Variants in ERI3 observed in about 807,000 individuals in gnomAD.
ERI3 encodes ERI1 exoribonuclease family member 3.
A neutral mutation model predicts 44.4 loss-of-function variants in ERI3; 18 were observed. That is an observed-to-expected ratio of 0.41 (90% CI 0.28 to 0.60). ERI3 has a LOEUF of 0.60. ERI3 is among the 20% of genes least tolerant of loss of function. ERI3 has a pLI of 0.36. For synonymous variants in ERI3, 183 were observed against 164.8 expected (o/e 1.11, Z -0.84); for missense variants, 294 against 435.5 (o/e 0.68, Z 2.89).
intron 7 of ERI3, among the ~76,000 whole-genome samples, chr1:44,259,689 GACACACACACACACAC>G (rs58901342): frequency 2.1e-5 from 3 of 140,282 alleles, no homozygotes; most frequent in African/African-American, 2.8e-5. Flanking sequence ...AAAACACACA[GACACACACACACACAC>G]ACACACACAC....
intron 3 of ERI3, among the ~76,000 whole-genome samples, chr1:44,332,067 G>A (rs1191289667): frequency 1.3e-5 from 2 of 152,132 alleles, no homozygotes; most frequent in Admixed American, 6.6e-5. Context: ...CTAACACAGA[G>A]CTTTAAGTTA....
intron 8 of ERI3, among the ~76,000 whole-genome samples, chr1:44,224,930 C>A (rs1643999121): frequency 6.6e-6 from 1 of 151,980 alleles, no homozygotes; most frequent in South Asian, 2.1e-4. Context: ...GAAGCCTTGA[C>A]AAATATATAT....
At chr1:44,332,527 T>A (rs1391019676) in intron 3 of ERI3, among the ~76,000 whole-genome samples, 1 of 152,136 alleles carries the variant, frequency 6.6e-6, no homozygotes, top group Non-Finnish European at 1.5e-5. Context: ...GGAGAAGCAG[T>A]CTGAATAGAG....
chr1:44,248,107 T>TC (rs1029177470), intron 7 of ERI3, 69 bp from the exon 8 acceptor site: 3 of 1,014,442 alleles, frequency 3.0e-6, no homozygotes, highest in Admixed American at 2.4e-5. Context: ...CACAAGGTCT[T>TC]CCCCCCACCC....
chr1:44,325,502 T>C (rs916262957), intron 3 of ERI3, among the ~76,000 whole-genome samples: 8 of 152,184 alleles, frequency 5.3e-5, no homozygotes, highest in African/African-American at 1.9e-4. Flanking sequence ...GAAATAAATG[T>C]GTAAGTTGCT....
At position 44,247,919 on chromosome 1, in the gene ERI3, G is replaced by A. The variant is rs564861335; in HGVS notation, c.931+20C>T. 8 of 1,592,012 alleles carry A rather than the reference G, an allele frequency of 5.0e-6. No individual in the cohort carries two copies. The South Asian group carries it at 7.9e-5, about 16-fold the overall frequency. On this transcript the variant is annotated intron_variant, in intron 8 of 8. Coordinates refer to ENST00000372257, the MANE Select transcript of ERI3 (RefSeq NM_024066.3). ...GGGACGATGGATGGAGCTGCCGGGG[G>A]AATATGCGAAGGGACTGACCAATGC...
intron 2 of ERI3, among the ~76,000 whole-genome samples, chr1:44,341,452 C>T (rs953715178): frequency 3.3e-5 from 5 of 152,262 alleles, no homozygotes; most frequent in Non-Finnish European, 5.9e-5. Flanking sequence ...ATAAGGCAGC[C>T]TCAGAGAGTA....
At chr1:44,346,081 AT>A (rs1646777516) in intron 2 of ERI3, among the ~76,000 whole-genome samples, 1 of 152,230 alleles carries the variant, frequency 6.6e-6, no homozygotes, top group African/African-American at 2.4e-5. Flanking sequence ...CATGGTCCCA[AT>A]GCGGAAAGGA....
chr1:44,268,746 T>C (rs1430751751), intron 7 of ERI3, among the ~76,000 whole-genome samples: 1 of 152,168 alleles, frequency 6.6e-6, no homozygotes, highest in African/African-American at 2.4e-5. Context: ...TGGGCATCAC[T>C]TGGTGTCTGC....
At chr1:44,271,502 C>A (rs1369102397) in intron 7 of ERI3, among the ~76,000 whole-genome samples, 2 of 152,230 alleles carry the variant, frequency 1.3e-5, no homozygotes, top group East Asian at 3.8e-4. Flanking sequence ...CAGTTAAGAG[C>A]ATGGACTCTG....
At chr1:44,352,194 G>A (rs1250477964) in intron 2 of ERI3, among the ~76,000 whole-genome samples, 2 of 152,146 alleles carry the variant, frequency 1.3e-5, no homozygotes, top group African/African-American at 4.8e-5. Flanking sequence ...CCTGATCCTT[G>A]TAAAACAGAC....
At chr1:44,304,431 A>G (rs1382342717) in intron 6 of ERI3, among the ~76,000 whole-genome samples, 1 of 152,198 alleles carries the variant, frequency 6.6e-6, no homozygotes, top group African/African-American at 2.4e-5. Flanking sequence ...TGAGGAGGAG[A>G]AGCCAGAGAA....
At chr1:44,226,224 A>T (rs1644034460) in intron 8 of ERI3, among the ~76,000 whole-genome samples, 1 of 151,932 alleles carries the variant, frequency 6.6e-6, no homozygotes, top group Non-Finnish European at 1.5e-5. Context: ...AAGAATCAGA[A>T]GGGAGTGGCA....
intron 8 of ERI3, among the ~76,000 whole-genome samples, chr1:44,238,140 T>C (rs1644348082): frequency 6.6e-6 from 1 of 152,144 alleles, no homozygotes; most frequent in East Asian, 1.9e-4. Flanking sequence ...TTTATGACTG[T>C]GCACCATGAA....
At chr1:44,297,927 C>A (rs1645644740) in intron 6 of ERI3, among the ~76,000 whole-genome samples, 1 of 152,208 alleles carries the variant, frequency 6.6e-6, no homozygotes, top group African/African-American at 2.4e-5. Context: ...GCTAATGTCA[C>A]CCGTACCAAT....
chr1:44,313,341 T>C (rs957384370), intron 4 of ERI3, 113 bp from the exon 5 acceptor site: 17 of 958,054 alleles, frequency 1.8e-5, no homozygotes, highest in Middle Eastern at 6.3e-4. Flanking sequence ...GGCTCTGATC[T>C]GGCACTGCTT....
chr1:44,284,330 C>T (rs1007233845), intron 7 of ERI3, among the ~76,000 whole-genome samples: 1 of 152,154 alleles, frequency 6.6e-6, no homozygotes, highest in Non-Finnish European at 1.5e-5. Context: ...GTTTCCATGG[C>T]TCTTCCTCAC....
At chr1:44,301,319 G>C (rs1645721628) in intron 6 of ERI3, among the ~76,000 whole-genome samples, 1 of 152,100 alleles carries the variant, frequency 6.6e-6, no homozygotes, top group African/African-American at 2.4e-5. Flanking sequence ...TGTGCACTGG[G>C]AGCCTGGGCT....
chr1:44,329,834 T>C (rs986305331), intron 3 of ERI3, among the ~76,000 whole-genome samples: 1 of 152,202 alleles, frequency 6.6e-6, no homozygotes, highest in African/African-American at 2.4e-5. Flanking sequence ...ATAGATTCCA[T>C]GCGCCACTCC....
Sources: gnomAD v4.1 joint callset for allele counts (sites outside exome capture counted in the v4.1 genomes callset) on GRCh38, gnomAD v4.1.1 for gene constraint, MANE v1.5 for transcripts, NCBI Gene and HGNC (gene_info 2026-07-23, HGNC 2026-07-21) for gene names.